The following NAV1 variants were observed in gnomAD, a reference collection of about 807,000 sequenced individuals.
NAV1 encodes neuron navigator 1.
A neutral mutation model predicts 175.2 loss-of-function variants in NAV1; 18 were observed. The observed-to-expected ratio is 0.10, with a 90% CI of 0.07 to 0.15. NAV1 has a LOEUF of 0.15. Among genes scored for constraint, NAV1 ranks in the 10% least tolerant of loss-of-function variants. The probability of loss-of-function intolerance (pLI) is 1.00; values close to 1 mark genes in which losing one functional copy is unlikely to be tolerated. For synonymous variants in NAV1, 897 were observed against 978.7 expected (o/e 0.92, Z 1.56); for missense variants, 1,731 against 2,436.6 (o/e 0.71, Z 6.10).
intron 2 of NAV1, among the ~76,000 whole-genome samples, chr1:201,589,107 C>T (rs1039147312): frequency 2.0e-5 from 3 of 152,176 alleles, no homozygotes; most frequent in African/African-American, 7.2e-5. Flanking sequence ...CTTGGCCTCC[C>T]AAAGTGCTGG....
At chr1:201,706,254 G>GGT (rs71138350) in intron 1 of NAV1, among the ~76,000 whole-genome samples, 74,189 of 148,670 alleles carry the variant, frequency 0.5, 18,437 homozygotes, top group South Asian at 0.59. Flanking sequence ...ATTAAGAAGG[G>GGT]GTGTGTGTGT....
intron 1 of NAV1, among the ~76,000 whole-genome samples, chr1:201,546,958 A>C (rs1246525793): frequency 6.6e-6 from 1 of 151,576 alleles, no homozygotes; most frequent in Non-Finnish European, 1.5e-5. Context: ...ACCCTTCAAC[A>C]CTTAAGCATG....
chr1:201,671,023 G>A (rs1343095144), intron 1 of NAV1, among the ~76,000 whole-genome samples: 1 of 152,170 alleles, frequency 6.6e-6, no homozygotes, highest in Non-Finnish European at 1.5e-5. Flanking sequence ...GTTAGTAAAG[G>A]ACACTCACTG....
intron 1 of NAV1, among the ~76,000 whole-genome samples, 124 bp from the exon 2 acceptor site, chr1:201,588,414 CA>C (rs1367505198): frequency 6.6e-6 from 1 of 152,180 alleles, no homozygotes; most frequent in Non-Finnish European, 1.5e-5. Context: ...GTGACACAAT[CA>C]TAGCTCACTG....
chr1:201,622,657 A>G (rs1668206745), upstream of NAV1, among the ~76,000 whole-genome samples: 1 of 152,166 alleles, frequency 6.6e-6, no homozygotes, highest in South Asian at 2.1e-4. Context: ...ACAGCTTTTC[A>G]GAGCAGAGAG....
At chr1:201,662,048 T>A (rs1669631878) in intron 1 of NAV1, among the ~76,000 whole-genome samples, 1 of 152,080 alleles carries the variant, frequency 6.6e-6, no homozygotes, top group Admixed American at 6.5e-5. Flanking sequence ...CGAAGTGGAG[T>A]CTGGGTATGA....
intron 2 of NAV1, among the ~76,000 whole-genome samples, chr1:201,642,560 C>CTTTCTTTCTTTCTTTCTTTCTTT (rs1491393436): frequency 9.1e-5 from 3 of 32,888 alleles, no homozygotes; most frequent in South Asian, 7.9e-4. Flanking sequence ...TTTCTTTTTT[C>CTTTCTTTCTTTCTTTCTTTCTTT]CCTTTCTTCC....
At chr1:201,715,724 CT>C (rs1416939507) in intron 2 of NAV1, among the ~76,000 whole-genome samples, 1 of 152,216 alleles carries the variant, frequency 6.6e-6, no homozygotes, top group Non-Finnish European at 1.5e-5. Context: ...CCAGTGTGTG[CT>C]TCCTGCAAGG....
chr1:201,816,533 AT>A (rs764965482), intron 28 of NAV1, among the ~76,000 whole-genome samples: 6 of 152,050 alleles, frequency 3.9e-5, no homozygotes, highest in South Asian at 2.1e-4. Flanking sequence ...AAAATTAAAT[AT>A]TTTTTAAAGT....
At chr1:201,546,307 C>T (rs767542754) in intron 1 of NAV1, among the ~76,000 whole-genome samples, 2 of 152,146 alleles carry the variant, frequency 1.3e-5, no homozygotes, top group Non-Finnish European at 2.9e-5. Flanking sequence ...TTCGCTTTAC[C>T]AAGTAGATTT....
intron 1 of NAV1, among the ~76,000 whole-genome samples, chr1:201,669,730 G>A (rs525492): frequency 0.17 from 25,649 of 152,174 alleles, 2,547 homozygotes; most frequent in African/African-American, 0.27. Context: ...AGTGGCCTGG[G>A]TAGGGAAACA....
At chr1:201,823,262 G>C (rs978409556) in exon 30 of NAV1, 1 of 152,608 alleles carries the variant, frequency 6.6e-6, no homozygotes, top group Admixed American at 6.5e-5. Flanking sequence ...GGATGAAGAA[G>C]ACCAACAAGT....
chr1:201,618,490 G>A (rs1668067078), upstream of NAV1, among the ~76,000 whole-genome samples: 2 of 151,916 alleles, frequency 1.3e-5, no homozygotes, highest in South Asian at 4.2e-4. Flanking sequence ...CTGTAAATTG[G>A]ATCCCCACTC....
rs563089545 is a variant in NAV1, at chr1:201,803,015, C to A, written c.3518-578C>A. 1.9e-4 allele frequency among the ~76,000 whole-genome samples: 29 copies of A among 152,318 alleles called. No homozygotes were observed. The East Asian group carries it at 3.3e-3, about 17-fold the overall frequency. Reference sequence around the variant, plus strand: ...AGTTCCCATCTGAAAAATTTCTATTCTTTCAGTACTCAGACATCTCCTTTG... The same window carrying A: ...AGTTCCCATCTGAAAAATTTCTATTATTTCAGTACTCAGACATCTCCTTTG... On this transcript the variant is annotated intron_variant, in intron 15 of 29. Transcript: ENST00000367296.
At chr1:201,542,468 T>C (rs1665541741) in intron 1 of NAV1, among the ~76,000 whole-genome samples, 1 of 152,114 alleles carries the variant, frequency 6.6e-6, no homozygotes, top group African/African-American at 2.4e-5. Context: ...AAAATACCCC[T>C]CCAACTAGTC....
chr1:201,643,804 A>C (rs1287350711), upstream of NAV1, among the ~76,000 whole-genome samples: 7 of 152,208 alleles, frequency 4.6e-5, no homozygotes, highest in Admixed American at 2.6e-4. Context: ...CTCCTAACAC[A>C]GTCCCAACTG....
At chr1:201,568,345 A>G (rs538793916) in intron 1 of NAV1, among the ~76,000 whole-genome samples, 1 of 152,174 alleles carries the variant, frequency 6.6e-6, no homozygotes, top group South Asian at 2.1e-4. Context: ...TTCCTGTAAC[A>G]CCCAAAGCCT....
chr1:201,604,922 G>A (rs1667633437), intron 2 of NAV1, among the ~76,000 whole-genome samples: 1 of 152,144 alleles, frequency 6.6e-6, no homozygotes, highest in African/African-American at 2.4e-5. Context: ...TCCCCTGTAT[G>A]TAGTATTTTC....
In NAV1 at chr1:201,788,546, A is replaced by G; in HGVS notation, c.3074A>G (p.Tyr1025Cys). 1 of 1,614,164 alleles carries G rather than the reference A, an allele frequency of 6.2e-7. No individual in the cohort carries two copies. Among genetic ancestry groups the G allele is most frequent in the South Asian group, 1.1e-5 (1 of 91,086 alleles). The change falls in exon 10 of 30, where the codon TAC becomes TGC. Residue 1025 changes from tyrosine to cysteine, a missense_variant. By Grantham distance (194) the Tyr-to-Cys change is radical. This residue lies in a region of NAV1 where 634 missense variants were observed against 766.8 expected (regional missense o/e 0.83). Transcript: ENST00000367296. This position sits in a 1 kb window ranked among gnomAD's most constrained non-coding sequence, Gnocchi z 5.7. ...ACCCACGAGGCGGCCTTCGAGCTGT[A>G]CAGCGGCTCCCAAATGGGGAGCACC...
Sources: allele counts gnomAD v4.1 joint callset (sites outside exome capture counted in the v4.1 genomes callset), GRCh38; gene constraint gnomAD v4.1.1; regional missense constraint gnomAD v4.1.1; non-coding constraint Gnocchi (gnomAD v3.1); transcripts MANE v1.5; gene names NCBI Gene and HGNC (gene_info 2026-07-23, HGNC 2026-07-21).